Variants in APCDD1 observed in about 807,000 individuals in gnomAD.
APCDD1 encodes protein APCDD1.
Under a neutral mutation model 38.1 loss-of-function variants are expected in APCDD1, and 15 were observed. The ratio of observed to expected loss-of-function variants is 0.39; its 90% CI spans 0.26 to 0.61. The LOEUF is 0.61. APCDD1 is among the 20% of genes least tolerant of loss of function. The pLI, the probability that APCDD1 is intolerant of heterozygous loss-of-function variation, is 0.49. For missense variants in APCDD1, 647 were observed against 696.2 expected (o/e 0.93, Z 0.79); for synonymous variants, 261 against 279.7 (o/e 0.93, Z 0.67).
intron 1 of APCDD1, among the ~76,000 whole-genome samples, chr18:10,458,222 T>G (rs2030431371): frequency 6.6e-6 from 1 of 152,220 alleles, no homozygotes; most frequent in South Asian, 2.1e-4. Context: ...TTGGGAGAGA[T>G]GTTCTATTCC....
rs2031226356 is a variant in APCDD1, at chr18:10,485,386, C to T, written c.775-76C>T. 5 of 1,528,560 alleles carry T rather than the reference C, an allele frequency of 3.3e-6. No homozygotes were observed. The African/African-American group carries it at 4.1e-5, about 12-fold the overall frequency. 94.7% of individuals were successfully genotyped at this position (1,528,560 alleles called of 1,614,324 possible). ...GGTGATCTGGTGCCTGGTGAGACCCCATTTGCCGGAAGCATGTGTGCACTG... is the reference window on the plus strand; with the variant it reads ...GGTGATCTGGTGCCTGGTGAGACCCTATTTGCCGGAAGCATGTGTGCACTG... On this transcript the variant is annotated intron_variant, in intron 3 of 4. Transcript: ENST00000355285. The surrounding 1 kb of genome is among the most constrained non-coding windows in gnomAD (Gnocchi z 5.8).
chr18:10,471,726 C>G lies in APCDD1; in HGVS notation c.439C>G (p.Leu147Val). The change falls in exon 3 of 5, where the codon CTG becomes GTG. Residue 147 changes from leucine to valine, a missense_variant. Transcript: ENST00000355285. The surrounding 1 kb of genome is among the most constrained non-coding windows in gnomAD (Gnocchi z 5.5). ...AGGGGGCACGGAAGCCGACTACCAG[C>G]TGCACAACGTCCAGGTGATCTGCCA... ...IRGGTEADYQ[L>V]HNVQVICHTE... 2 of 1,614,156 alleles carry G rather than the reference C, an allele frequency of 1.2e-6. No homozygotes were observed. The highest frequency in any genetic ancestry group is 1.7e-6 in the Non-Finnish European group (2 of 1,180,040).
chr18:10,475,350 G>A lies in APCDD1; in HGVS notation c.774+3289G>A, dbSNP rs2030965073. 6.6e-6 allele frequency among the ~76,000 whole-genome samples: 1 copy of A among 152,176 alleles called. No individual in the cohort carries two copies. The highest frequency in any genetic ancestry group is 1.5e-5 in the Non-Finnish European group (1 of 68,024). ...TCCCAGGCCTGATTCCTTGATGACA[G>A]AAAATTAAGGTGGAAAGAGCTTTAG... On this transcript the variant is annotated intron_variant, in intron 3 of 4. Coordinates refer to ENST00000355285, the MANE Select transcript of APCDD1 (RefSeq NM_153000.5). The surrounding 1 kb of genome is among the most constrained non-coding windows in gnomAD (Gnocchi z 4.0).
At chr18:10,478,952 C>T (rs867718295) in intron 3 of APCDD1, among the ~76,000 whole-genome samples, 33 of 152,324 alleles carry the variant, frequency 2.2e-4, no homozygotes, top group African/African-American at 7.5e-4. Context: ...GCTAGCTACT[C>T]CATTTAATTC....
intron 1 of APCDD1, among the ~76,000 whole-genome samples, chr18:10,462,682 C>A (rs1006729451): frequency 1.0e-4 from 14 of 137,702 alleles, no homozygotes; most frequent in Admixed American, 2.3e-4. Flanking sequence ...TCCTTCCTTC[C>A]TTCCCTCCTT....
rs773819580 is a variant in APCDD1 at position 10,489,794 on chromosome 18, A to G, written c.*1756A>G. 2.0e-5 allele frequency: 3 copies of G among 152,184 alleles called. No homozygotes were observed. The highest frequency in any genetic ancestry group is 4.4e-5 in the Non-Finnish European group (3 of 68,042). The allele number at this position is 152,184 out of a possible 1,614,324, so 9.4% of individuals were successfully genotyped here. A position where few individuals can be genotyped will look rare whatever the true frequency, so the allele number is the denominator to read the frequency against. Reference sequence around the variant, plus strand: ...AGAGTACCAAAGTGCTTCAGGTTATATTTTAAGTTGTGGTGCAGACTGAGG... The same window carrying G: ...AGAGTACCAAAGTGCTTCAGGTTATGTTTTAAGTTGTGGTGCAGACTGAGG... On this transcript the variant is annotated 3_prime_UTR_variant, in exon 5 of 5. Coordinates refer to ENST00000355285, the MANE Select transcript of APCDD1 (RefSeq NM_153000.5).
In APCDD1 at chr18:10,471,599, G is replaced by T. The variant is rs2030852260; in HGVS notation, c.312G>T (p.Lys104Asn). Residue 104 changes from lysine (K) to asparagine (N), a missense_variant, in exon 3 of 5, where the codon AAG (lysine) becomes AAT (asparagine). Lys to Asn is a moderately conservative substitution (Grantham distance 94, BLOSUM62 0). Transcript: ENST00000355285. The surrounding 1 kb of genome is among the most constrained non-coding windows in gnomAD (Gnocchi z 5.5). ...GATTCTACCACAATAACACCTTCAA[G>T]GCCTACCAATTTTATTATGGCAGCA... is the stretch of plus-strand genomic sequence containing the variant. The part of the protein sequence containing the change: ...SYRFYHNNTF[K>N]AYQFYYGSNR... 1 of 1,614,138 alleles carries T rather than the reference G, an allele frequency of 6.2e-7. No homozygotes were observed. Among genetic ancestry groups the T allele is most frequent in the African/African-American group, 1.3e-5 (1 of 75,008 alleles).
intron 3 of APCDD1, among the ~76,000 whole-genome samples, chr18:10,479,808 C>T (rs1018916592): frequency 2.0e-5 from 3 of 152,082 alleles, no homozygotes; most frequent in Admixed American, 6.5e-5. Context: ...TAAATGCAAG[C>T]TGTAGCTATT....
intron 3 of APCDD1, among the ~76,000 whole-genome samples, chr18:10,480,089 T>C (rs2031099802): frequency 6.6e-6 from 1 of 152,186 alleles, no homozygotes; most frequent in African/African-American, 2.4e-5. Context: ...GTACAGAAGC[T>C]CTGGCTTTAA....
chr18:10,482,729 G>A (rs149737028), intron 3 of APCDD1, among the ~76,000 whole-genome samples: 1 of 152,328 alleles, frequency 6.6e-6, no homozygotes, highest in African/African-American at 2.4e-5. Context: ...GATTTCAATG[G>A]TGACTGTTCC....
intron 3 of APCDD1, among the ~76,000 whole-genome samples, chr18:10,482,647 G>A (rs767686536): frequency 1.6e-4 from 24 of 152,168 alleles, no homozygotes; most frequent in Admixed American, 1.1e-3. Flanking sequence ...TGAAGTTTTC[G>A]TGATTTGAAT....
chr18:10,473,095 G>C (rs2030903701), intron 3 of APCDD1, among the ~76,000 whole-genome samples: 1 of 152,224 alleles, frequency 6.6e-6, no homozygotes, highest in Non-Finnish European at 1.5e-5. Context: ...CTTTTGTTTG[G>C]TGGTTTCTTC....
At chr18:10,478,233 A>G (rs953288936) in intron 3 of APCDD1, among the ~76,000 whole-genome samples, 5 of 152,204 alleles carry the variant, frequency 3.3e-5, no homozygotes, top group Non-Finnish European at 5.9e-5. Context: ...CAGTGGTAAC[A>G]GGCCCGAGGT....
chr18:10,457,873 A>G (rs1456904278), intron 1 of APCDD1, among the ~76,000 whole-genome samples: 2 of 152,232 alleles, frequency 1.3e-5, no homozygotes, highest in African/African-American at 4.8e-5. Flanking sequence ...AAGACTGCAA[A>G]TGTGGTGCGA....
Position 10,472,873 on chromosome 18 carries a change from C to T in APCDD1, c.774+812C>T, listed in dbSNP as rs955072111. Among the ~76,000 whole-genome samples the T allele has an allele frequency of 6.6e-6, 1 of 152,194 alleles. No homozygotes were observed. The highest frequency in any genetic ancestry group is 2.4e-5 in the African/African-American group (1 of 41,446). ...TTAGAGTACACGTCCATGTGTAACT[C>T]GATCACCTCCACCATCTCCCCGCAG... On this transcript the variant is annotated intron_variant, in intron 3 of 4. Coordinates refer to ENST00000355285, the MANE Select transcript of APCDD1 (RefSeq NM_153000.5). This position sits in a 1 kb window ranked among gnomAD's most constrained non-coding sequence, Gnocchi z 6.6.
rs571030647 is a variant in APCDD1 at position 10,472,085 on chromosome 18, C to T, written c.774+24C>T. The stretch of plus-strand genomic sequence containing the variant: ...AGGTACCTCAGAGCTCTGTGTTCTC[C>T]TCTTTATTGAGTAAAGTGGGTGATC... On this transcript the variant is annotated intron_variant, in intron 3 of 4. Transcript: ENST00000355285. This position sits in a 1 kb window ranked among gnomAD's most constrained non-coding sequence, Gnocchi z 6.6. 10 of 1,612,542 alleles carry T rather than the reference C, an allele frequency of 6.2e-6. No individual in the cohort carries two copies. The highest frequency in any genetic ancestry group is 6.8e-6 in the Non-Finnish European group (8 of 1,179,966).
rs201520930 is a variant in APCDD1 at position 10,461,413 on chromosome 18, AT to A, written c.58+6378del. Among the ~76,000 whole-genome samples the A allele has an allele frequency of 1.0e-2, 1,517 of 152,322 alleles. 13 individuals are homozygous for A. The highest frequency in any genetic ancestry group is 0.017 in the Non-Finnish European group (1,129 of 68,028). ...CATTGGACCCCCAATGTTTGAGACCATTTTATGGTGGAATCATTTGGATAAC... is the reference window on the plus strand; with the variant it reads ...CATTGGACCCCCAATGTTTGAGACCATTTATGGTGGAATCATTTGGATAAC... On this transcript the variant is annotated intron_variant, in intron 1 of 4. Coordinates refer to ENST00000355285, the MANE Select transcript of APCDD1 (RefSeq NM_153000.5).
At chr18:10,464,311 A>AACAC (rs541648834) in intron 1 of APCDD1, among the ~76,000 whole-genome samples, 7,120 of 147,042 alleles carry the variant, frequency 0.048, 337 homozygotes, top group African/African-American at 0.13. Context: ...CTTCAAAGTA[A>AACAC]ACACACACAC....
rs1313648259 is a variant in APCDD1, at chr18:10,469,660, AAG to A, written c.242+1012_242+1013del. 6.6e-6 allele frequency among the ~76,000 whole-genome samples: 1 copy of A among 152,164 alleles called. No homozygotes were observed. Among genetic ancestry groups the A allele is most frequent in the East Asian group, 1.9e-4 (1 of 5,196 alleles). ...GGGTTGGGGCAGCAACAGGTGCTAAAAGAGAATACCAGGGGGCCCCATTTTAA... is the reference window on the plus strand; with the variant it reads ...GGGTTGGGGCAGCAACAGGTGCTAAAAGAATACCAGGGGGCCCCATTTTAA... On this transcript the variant is annotated intron_variant, in intron 2 of 4. Transcript: ENST00000355285. This position sits in a 1 kb window ranked among gnomAD's most constrained non-coding sequence, Gnocchi z 5.5.
Sources: allele counts gnomAD v4.1 joint callset (sites outside exome capture counted in the v4.1 genomes callset), GRCh38; gene constraint gnomAD v4.1.1; non-coding constraint Gnocchi (gnomAD v3.1); transcripts MANE v1.5; gene names NCBI Gene and HGNC (gene_info 2026-07-23, HGNC 2026-07-21).